EXD3: variants seen among roughly 807,000 people sequenced by gnomAD.
EXD3 encodes exonuclease 3'-5' domain containing 3, also known as exonuclease mut-7 homolog.
In EXD3, 92 loss-of-function variants were observed where a neutral mutation model predicts 98.0. That is an observed-to-expected ratio of 0.94 (90% confidence interval 0.79 to 1.12). The LOEUF is 1.12. Among genes scored for constraint, EXD3 ranks in the 50% most tolerant of loss-of-function variants. EXD3 has a pLI of 0.00. For missense variants in EXD3, 1,222 were observed against 1,191.6 expected, an observed-to-expected ratio of 1.03 and a Z score of -0.38; for synonymous variants, 569 against 526.0, an observed-to-expected ratio of 1.08 and a Z score of -1.12.
At chr9:137,331,741 C>T (rs1483161958) in intron 17 of EXD3, among the ~76,000 whole-genome samples, 1 of 152,004 alleles carries the variant, frequency 6.6e-6, no homozygotes, top group African/African-American at 2.4e-5. Flanking sequence ...CATGGTGAAA[C>T]CCCGTCTCTA....
chr9:137,332,099 A>C lies in EXD3; in HGVS notation c.1999-7956T>G, dbSNP rs117026506. On this transcript the variant is annotated intron_variant, in intron 17 of 21. Transcript: ENST00000340951. ...GAAAGAAATCATGAATGACGCAAAC[A>C]AATGGAAATACATCCCATGGTCATG... 1.8e-4 allele frequency among the ~76,000 whole-genome samples: 28 copies of C among 152,322 alleles called. 2 individuals are homozygous for C. The East Asian group carries it at 5.4e-3, about 29-fold the overall frequency.
intron 1 of EXD3, among the ~76,000 whole-genome samples, chr9:137,401,423 G>A (rs1837477843): frequency 1.3e-5 from 2 of 152,052 alleles, no homozygotes; most frequent in Admixed American, 6.5e-5. Flanking sequence ...CCAAAGTGCT[G>A]GGATTACAGG....
chr9:137,339,564 A>G (rs1190568732), intron 17 of EXD3, among the ~76,000 whole-genome samples: 1 of 151,964 alleles, frequency 6.6e-6, no homozygotes, highest in Non-Finnish European at 1.5e-5. Flanking sequence ...AATATGCGGG[A>G]CCAAGTTGAA....
At position 137,324,188 on chromosome 9, in the gene EXD3, C is replaced by T. The variant is rs1271223888; in HGVS notation, c.1999-45G>A. ...AGCACATAAAGGGGGCAGCTCCGTG[C>T]TCCTGGACTGGGCCACCTCTGCTCG... On this transcript the variant is annotated intron_variant, in intron 17 of 21. Transcript: ENST00000340951. This position sits in a 1 kb window ranked among gnomAD's most constrained non-coding sequence, Gnocchi z 4.1. The T allele has an allele frequency of 3.3e-6, 5 of 1,519,266 alleles. No individual in the cohort carries two copies. Among genetic ancestry groups the T allele is most frequent in the Non-Finnish European group, 3.6e-6 (4 of 1,118,636 alleles). The allele number at this position is 1,519,266 out of a possible 1,614,324, so 94.1% of individuals were successfully genotyped here.
Position 137,374,689 on chromosome 9 carries a change from C to T in EXD3, c.121-1090G>A, listed in dbSNP as rs1051666900. 2.2e-5 allele frequency: 22 copies of T among 985,468 alleles called. 1 individual carries two copies. The African/African-American group carries it at 3.8e-4, about 17-fold the overall frequency. 61.0% of individuals were successfully genotyped at this position (985,468 alleles called of 1,614,324 possible). A position where few individuals can be genotyped will look rare whatever the true frequency, so the allele number is the denominator to read the frequency against. On this transcript the variant is annotated intron_variant, in intron 3 of 21. Transcript: ENST00000340951. ...GCGCGGGAGGCAAGGCTGCAAAGTC[C>T]AGACCCTCCAAAGGATGCCCCTCGG... is the stretch of plus-strand genomic sequence containing the variant.
At position 137,352,585 on chromosome 9, in the gene EXD3, C is replaced by G. The variant is rs1564503604; in HGVS notation, c.1037+35G>C. The G allele has an allele frequency of 2.0e-6, 3 of 1,506,750 alleles. No individual in the cohort carries two copies. The African/African-American group carries it at 4.2e-5, about 21-fold the overall frequency. The allele number at this position is 1,506,750 out of a possible 1,614,324, so 93.3% of individuals were successfully genotyped here. On this transcript the variant is annotated intron_variant, in intron 11 of 21. Coordinates refer to ENST00000340951, the MANE Select transcript of EXD3 (RefSeq NM_017820.5). ...GGGTAGGGGCCACCCTGGGCGGAAC[C>G]CACCCCTGGCTGGGGTCACCCTGGC...
rs1321870672 is a variant in EXD3 at position 137,355,491 on chromosome 9, ATGGAGG to A, written c.758-724_758-719del. Among the ~76,000 whole-genome samples, 117 of 40,262 alleles carry A rather than the reference ATGGAGG, an allele frequency of 2.9e-3. 5 individuals carry two copies. The highest frequency in any genetic ancestry group is 8.7e-3 in the African/African-American group (79 of 9,052). 26.4% of individuals were successfully genotyped at this position (40,262 alleles called of 152,430 possible). On this transcript the variant is annotated intron_variant, in intron 8 of 21. Transcript: ENST00000340951. ...GAGGAAGGAGGAAGGAGGAAGGAGG[ATGGAGG>A]AAGGAGGAAGGAGGAAGGAGGAAGG...
At position 137,367,959 on chromosome 9, in the gene EXD3, G is replaced by A; in HGVS notation, c.493C>T (p.Gln165Ter). Residue 165 changes from glutamine to a stop codon, truncating the protein, a stop_gained, in exon 6 of 22, where the codon CAG (glutamine) becomes TAG (stop). Coordinates refer to ENST00000340951, the MANE Select transcript of EXD3 (RefSeq NM_017820.5). LOFTEE classifies it high-confidence loss of function. ...ACCTTTTCAACGCCAAGCTCCGACT[G>A]CAGCTTCAACGTCGCGCCCAGCGTG... is the stretch of plus-strand genomic sequence containing the variant. ...AATLGATLKLQSELGVEKMSI... is the reference protein window; with the variant it reads ...AATLGATLKL The A allele has an allele frequency of 6.2e-7, 1 of 1,611,918 alleles. No individual in the cohort carries two copies. The highest frequency in any genetic ancestry group is 1.1e-5 in the South Asian group (1 of 91,070).
At chr9:137,390,083 T>C (rs142976377) in intron 2 of EXD3, among the ~76,000 whole-genome samples, 1,259 of 119,554 alleles carry the variant, frequency 0.011, 8 homozygotes, top group Non-Finnish European at 0.015. Flanking sequence ...GGTTGCGACA[T>C]TGCACTCCGG....
chr9:137,374,723 G>T (rs915951564), intron 3 of EXD3: 2 of 985,492 alleles, frequency 2.0e-6, no homozygotes. Flanking sequence ...GGGGAAAGTG[G>T]CCAGACAGGG....
intron 5 of EXD3, among the ~76,000 whole-genome samples, chr9:137,372,639 G>A (rs1036574020): frequency 1.3e-5 from 2 of 152,244 alleles, no homozygotes; most frequent in African/African-American, 4.8e-5. Context: ...AGTGCATGCT[G>A]GGAGACACAG....
At chr9:137,337,172 A>G (rs1361577412) in intron 17 of EXD3, among the ~76,000 whole-genome samples, 1 of 152,204 alleles carries the variant, frequency 6.6e-6, no homozygotes, top group East Asian at 1.9e-4. Flanking sequence ...ACATAATTAT[A>G]AAAGATTTCA....
chr9:137,410,812 T>G (rs1482801849), intron 1 of EXD3, among the ~76,000 whole-genome samples: 1 of 152,138 alleles, frequency 6.6e-6, no homozygotes, highest in Non-Finnish European at 1.5e-5. Flanking sequence ...GCGAGGGCTG[T>G]GTCCTTTCCC....
chr9:137,365,990 A>ACACCTG (rs1835230613), intron 7 of EXD3: 1 of 571,306 alleles, frequency 1.8e-6, no homozygotes, highest in Non-Finnish European at 3.3e-6. Flanking sequence ...ACACACATGC[A>ACACCTG]CACCTGCAGG....
chr9:137,390,119 CAAAAAAAA>C (rs34716316), intron 2 of EXD3, among the ~76,000 whole-genome samples: 14 of 23,380 alleles, frequency 6.0e-4, no homozygotes, highest in South Asian at 3.0e-3. Flanking sequence ...GAGACTCTGT[CAAAAAAAA>C]AAAAAAAAAA....
intron 17 of EXD3, among the ~76,000 whole-genome samples, chr9:137,332,572 A>T (rs140883540): frequency 1.4e-5 from 2 of 146,160 alleles, no homozygotes; most frequent in Non-Finnish European, 3.0e-5. Context: ...GGCCAGGCGC[A>T]GTGGCTCACG....
In EXD3 at chr9:137,347,862, G is replaced by A. The variant is rs1195427993; in HGVS notation, c.1998+209C>T. ...TTACATCTGTAAATTCCTTTTGTGG[G>A]ACAATGAGGGCTGAGGCTGGGACCA... On this transcript the variant is annotated intron_variant, in intron 17 of 21. Coordinates refer to ENST00000340951, the MANE Select transcript of EXD3 (RefSeq NM_017820.5). This position sits in a 1 kb window ranked among gnomAD's most constrained non-coding sequence, Gnocchi z 4.2. 6.6e-6 allele frequency among the ~76,000 whole-genome samples: 1 copy of A among 152,132 alleles called. No homozygotes were observed. The highest frequency in any genetic ancestry group is 6.5e-5 in the Admixed American group (1 of 15,278).
intron 1 of EXD3, among the ~76,000 whole-genome samples, chr9:137,397,873 A>G (rs981163922): frequency 2.6e-5 from 4 of 152,096 alleles, no homozygotes; most frequent in African/African-American, 9.7e-5. Flanking sequence ...AAGCCCAGAG[A>G]TCAAGGCTGC....
At chr9:137,396,699 G>A (rs999669363) in intron 1 of EXD3, among the ~76,000 whole-genome samples, 2 of 152,232 alleles carry the variant, frequency 1.3e-5, no homozygotes, top group African/African-American at 2.4e-5. Flanking sequence ...ACTCAGGACG[G>A]ACAGAGGCCG....
Sources: allele counts gnomAD v4.1 joint callset (sites outside exome capture counted in the v4.1 genomes callset), GRCh38; gene constraint gnomAD v4.1.1; non-coding constraint Gnocchi (gnomAD v3.1); transcripts MANE v1.5; gene names NCBI Gene and HGNC (gene_info 2026-07-23, HGNC 2026-07-21).